Variants in RAB3IL1 observed in about 807,000 individuals in gnomAD.
RAB3IL1 encodes guanine nucleotide exchange factor for Rab-3A.
A neutral mutation model predicts 49.2 loss-of-function variants in RAB3IL1; 37 were observed. That is an observed-to-expected ratio of 0.75 (90% CI 0.58 to 0.99). RAB3IL1 has a LOEUF of 0.99. Ranked by LOEUF, RAB3IL1 falls within the 50% of genes least tolerant of loss-of-function variation. The probability of loss-of-function intolerance (pLI) is 0.00; values close to 1 mark genes in which losing one functional copy is unlikely to be tolerated. For synonymous variants in RAB3IL1, 193 were observed against 213.9 expected, an observed-to-expected ratio of 0.90 and a Z score of 0.85; for missense variants, 484 against 513.0, an observed-to-expected ratio of 0.94 and a Z score of 0.55.
Position 61,899,431 on chromosome 11 carries a change from C to A in RAB3IL1, c.1000-51G>T, listed in dbSNP as rs780121810. On this transcript the variant is annotated intron_variant, in intron 8 of 9. Coordinates refer to ENST00000394836, the MANE Select transcript of RAB3IL1 (RefSeq NM_013401.4). Reference sequence around the variant, plus strand: ...GACCTGCCAGCCCCACGCTGGGGGTCCCCTGACAGGCGGATCTGAGTCCAG... The same window carrying A: ...GACCTGCCAGCCCCACGCTGGGGGTACCCTGACAGGCGGATCTGAGTCCAG... 3.8e-6 allele frequency: 6 copies of A among 1,561,162 alleles called. No homozygotes were observed. In the South Asian group the frequency reaches 4.5e-5, roughly 12 times the overall value.
chr11:61,913,526 C>G (rs1266957420), intron 1 of RAB3IL1, among the ~76,000 whole-genome samples: 1 of 152,182 alleles, frequency 6.6e-6, no homozygotes, highest in Non-Finnish European at 1.5e-5. Flanking sequence ...CCCAGGCCAC[C>G]AGGCCAGTCC....
the RAB3IL1 span, among the ~76,000 whole-genome samples, chr11:61,928,382 C>T: frequency 6.6e-6 from 1 of 151,870 alleles, no homozygotes; most frequent in African/African-American, 2.4e-5. Context: ...CCTCAAAATA[C>T]ATGAAGCTAG....
intron 1 of RAB3IL1, among the ~76,000 whole-genome samples, chr11:61,915,906 C>T (rs1431541700): frequency 2.6e-5 from 4 of 151,140 alleles, no homozygotes; most frequent in South Asian, 4.2e-4. Flanking sequence ...GGCGTGGTGG[C>T]GGGCGCCTGT....
intron 1 of RAB3IL1, among the ~76,000 whole-genome samples, chr11:61,913,474 C>T (rs986878695): frequency 1.3e-5 from 2 of 152,132 alleles, no homozygotes; most frequent in Admixed American, 6.5e-5. Context: ...GATCAGAACA[C>T]CTAAAGCAGG....
At chr11:61,907,300 A>G (rs2136041294) in intron 4 of RAB3IL1, 93 bp downstream of exon 4, 1 of 1,339,806 alleles carries the variant, frequency 7.5e-7, no homozygotes, top group South Asian at 1.2e-5. Context: ...GGGCCAGGTG[A>G]GCGTCCACTC....
chr11:61,934,317 T>TACACACACACAC, the RAB3IL1 span, among the ~76,000 whole-genome samples: 99 of 33,218 alleles, frequency 3.0e-3, 2 homozygotes, highest in African/African-American at 5.6e-3. Context: ...CCTGAGTAAA[T>TACACACACACAC]ATACACACAC....
chr11:61,934,450 G>GTATGTATATA, the RAB3IL1 span, among the ~76,000 whole-genome samples: 2 of 31,612 alleles, frequency 6.3e-5, no homozygotes, highest in African/African-American at 9.2e-5. Context: ...GTGTGTGTAT[G>GTATGTATATA]TATATATATA....
the RAB3IL1 span, among the ~76,000 whole-genome samples, chr11:61,946,007 C>T: frequency 2.6e-5 from 4 of 152,156 alleles, no homozygotes; most frequent in Non-Finnish European, 5.9e-5. Flanking sequence ...GAGTTTACTC[C>T]GTCCTTCAGG....
At chr11:61,922,729 C>T (rs1939935785), upstream of RAB3IL1, among the ~76,000 whole-genome samples, 1 of 151,608 alleles carries the variant, frequency 6.6e-6, no homozygotes, top group African/African-American at 2.4e-5. Flanking sequence ...CAGCGGATAA[C>T]AGTATCTCCC....
chr11:61,921,408 G>A (rs189857351), upstream of RAB3IL1, among the ~76,000 whole-genome samples: 110 of 152,256 alleles, frequency 7.2e-4, no homozygotes, highest in African/African-American at 7.9e-4. Context: ...AGTTGCCATT[G>A]CCCAGATGTG....
Position 61,898,366 on chromosome 11 carries a change from G to A in RAB3IL1, c.1067-6C>T, listed in dbSNP as rs1298636917. ...CTCCCAGAACATGGGCTCTGCTGCA[G>A]GCAGAGAGAGGGTGAACAGGTCGGG... On this transcript the variant is annotated splice_polypyrimidine_tract_variant and splice_region_variant and intron_variant, in intron 9 of 9. Transcript: ENST00000394836. The surrounding 1 kb of genome is among the most constrained non-coding windows in gnomAD (Gnocchi z 5.1). The A allele has an allele frequency of 1.9e-6, 3 of 1,612,230 alleles. No individual in the cohort carries two copies. In the East Asian group the frequency reaches 6.7e-5, roughly 36 times the overall value.
chr11:61,934,444 G>GTGTGTGTGTA, the RAB3IL1 span, among the ~76,000 whole-genome samples: 1 of 83,662 alleles, frequency 1.2e-5, no homozygotes, highest in Non-Finnish European at 2.5e-5. Flanking sequence ...GTGTGTGTGT[G>GTGTGTGTGTA]TGTATGTATA....
chr11:61,904,645 AC>A lies in RAB3IL1; in HGVS notation c.799del (p.Val267TyrfsTer23). On this transcript the variant is annotated frameshift_variant, in exon 7 of 10. Transcript: ENST00000394836. LOFTEE classifies it high-confidence loss of function. ...DFTMQELSVL[V>X]RAAVEDNTLT... ...CGTGTTGTCCTCCACGGCGGCCCGT[AC>A]CAGCACCGAGAGCTGTGGCAGACCA... The A allele has an allele frequency of 1.2e-6, 2 of 1,610,926 alleles. No individual in the cohort carries two copies. The highest frequency in any genetic ancestry group is 1.1e-5 in the South Asian group (1 of 90,406).
At chr11:61,917,698 G>GCGCT (rs1939772001), upstream of RAB3IL1, 3 of 412,288 alleles carry the variant, frequency 7.3e-6, no homozygotes, top group South Asian at 3.0e-4. Flanking sequence ...GGAGACCACG[G>GCGCT]CGCTCGGAGG....
intron 8 of RAB3IL1, among the ~76,000 whole-genome samples, chr11:61,900,530 G>A (rs1938857223): frequency 1.3e-5 from 2 of 152,126 alleles, no homozygotes; most frequent in African/African-American, 4.8e-5. Context: ...GGACACCGCT[G>A]CACAGGGAGG....
At position 61,906,242 on chromosome 11, in the gene RAB3IL1, G is replaced by GC. The variant is rs1187835165; in HGVS notation, c.657+223dup. Among the ~76,000 whole-genome samples, 1 of 152,178 alleles carries GC rather than the reference G, an allele frequency of 6.6e-6. No individual in the cohort carries two copies. Among genetic ancestry groups the GC allele is most frequent in the Non-Finnish European group, 1.5e-5 (1 of 68,028 alleles). The stretch of plus-strand genomic sequence containing the variant: ...TTGGAGTCAGTGGGGCAGGGAGGGG[G>GC]CCTCAGGTCCCCAGATGGTATACCC... On this transcript the variant is annotated intron_variant, in intron 5 of 9. Transcript: ENST00000394836. This position sits in a 1 kb window ranked among gnomAD's most constrained non-coding sequence, Gnocchi z 4.6.
At chr11:61,939,472 A>G in the RAB3IL1 span, among the ~76,000 whole-genome samples, 1 of 152,150 alleles carries the variant, frequency 6.6e-6, no homozygotes, top group East Asian at 1.9e-4. Flanking sequence ...AACTAGAAAA[A>G]GTAGAATAAA....
the RAB3IL1 span, among the ~76,000 whole-genome samples, chr11:61,936,759 T>C: frequency 6.6e-6 from 1 of 152,232 alleles, no homozygotes; most frequent in African/African-American, 2.4e-5. Context: ...AGTGGGATGA[T>C]ATATTCAGAA....
In RAB3IL1 at chr11:61,907,478, G is replaced by A. The variant is rs771720180; in HGVS notation, c.361-8C>T. 1.9e-6 allele frequency: 3 copies of A among 1,614,214 alleles called. No individual in the cohort carries two copies. The Admixed American group carries it at 5.0e-5, about 27-fold the overall frequency. ...AACCATCTTGTGAGCTTCCTAGGAA[G>A]AAGGCAGTCCCTGCGTGAGTGGTGA... On this transcript the variant is annotated splice_polypyrimidine_tract_variant and splice_region_variant and intron_variant, in intron 3 of 9. Coordinates refer to ENST00000394836, the MANE Select transcript of RAB3IL1 (RefSeq NM_013401.4).
Sources: gnomAD v4.1 joint callset for allele counts (sites outside exome capture counted in the v4.1 genomes callset) on GRCh38, gnomAD v4.1.1 for gene constraint, Gnocchi (gnomAD v3.1) non-coding constraint, MANE v1.5 for transcripts, NCBI Gene and HGNC (gene_info 2026-07-23, HGNC 2026-07-21) for gene names.